NCOR1: variants seen among roughly 807,000 people sequenced by gnomAD.
The protein encoded by NCOR1 is protein phosphatase 1, regulatory subunit 109.
Under a neutral mutation model 288.1 loss-of-function variants are expected in NCOR1, and 63 were observed. The observed-to-expected ratio is 0.22, with a 90% confidence interval of 0.18 to 0.27. NCOR1 has a LOEUF of 0.27. Ranked by LOEUF, NCOR1 falls within the 10% of genes least tolerant of loss-of-function variation. The pLI, the probability that NCOR1 is intolerant of heterozygous loss-of-function variation, is 1.00. For missense variants in NCOR1, 2,397 were observed against 3,019.2 expected (o/e 0.79, Z 4.83); for synonymous variants, 1,007 against 1,065.9 (o/e 0.94, Z 1.08).
At position 16,127,555 on chromosome 17, in the gene NCOR1, GTGTATATATGTA is replaced by G. The variant is rs768594511; in HGVS notation, c.1510-1361_1510-1350del. On this transcript the variant is annotated intron_variant, in intron 14 of 45. Transcript: ENST00000268712. The stretch of plus-strand genomic sequence containing the variant: ...TATATCTGCATGTATATATACACAT[GTGTATATATGTA>G]TGTATATATACATATGTGTATATAT... 2.3e-3 allele frequency among the ~76,000 whole-genome samples: 325 copies of G among 139,960 alleles called. 7 individuals are homozygous for G. Among genetic ancestry groups the G allele is most frequent in the Non-Finnish European group, 4.2e-3 (276 of 65,442 alleles). The allele number at this position is 139,960 out of a possible 152,430, so 91.8% of individuals were successfully genotyped here.
At position 16,156,674 on chromosome 17, in the gene NCOR1, T is replaced by C. The variant is rs1305812727; in HGVS notation, c.732+2086A>G. ...TTCAGATTTGGTTTTCTTCATAAAA[T>C]AAACAACAAACCAAATATGGAAATG... On this transcript the variant is annotated intron_variant, in intron 6 of 45. Coordinates refer to ENST00000268712, the MANE Select transcript of NCOR1 (RefSeq NM_006311.4). 2.0e-5 allele frequency among the ~76,000 whole-genome samples: 3 copies of C among 151,870 alleles called. No homozygotes were observed. The East Asian group carries it at 5.8e-4, about 29-fold the overall frequency.
At chr17:16,146,606 C>A in intron 9 of NCOR1, 58 bp from the exon 10 acceptor site, 1 of 1,394,246 alleles carries the variant, frequency 7.2e-7, no homozygotes, top group Non-Finnish European at 9.6e-7. Flanking sequence ...TTCTGACAAA[C>A]CTAATACTTT....
intron 2 of NCOR1, among the ~76,000 whole-genome samples, chr17:16,188,302 AT>A (rs2153533553): frequency 6.6e-6 from 1 of 152,288 alleles, no homozygotes; most frequent in South Asian, 2.1e-4. Context: ...AGTTGAAAAC[AT>A]AAAAAAACCA....
At chr17:16,060,293 T>G (rs990543529) in intron 37 of NCOR1, among the ~76,000 whole-genome samples, 1 of 152,172 alleles carries the variant, frequency 6.6e-6, no homozygotes, top group African/African-American at 2.4e-5. Flanking sequence ...AAAATCAAAT[T>G]CCTAAAGCAA....
chr17:16,086,351 G>A lies in NCOR1; in HGVS notation c.3108C>T (p.Leu1036=). Residue 1036 remains leucine (L), a synonymous_variant, in exon 23 of 46, where the codon CTC becomes CTT. Transcript: ENST00000268712. ...CCACTGTGGTTTTGGATGACGGGAT[G>A]AGAGGGGGCGGTGGCCTGGTTGGTC... ...TTRPTRPPPP[L]IPSSKTTVAS... The A allele has an allele frequency of 6.2e-7, 1 of 1,614,200 alleles. No individual in the cohort carries two copies. Among genetic ancestry groups the A allele is most frequent in the Non-Finnish European group, 8.5e-7 (1 of 1,180,008 alleles).
chr17:16,068,123 T>TG lies in NCOR1; in HGVS notation c.4514-3dup. On this transcript the variant is annotated splice_polypyrimidine_tract_variant and splice_region_variant and intron_variant, in intron 31 of 45. Coordinates refer to ENST00000268712, the MANE Select transcript of NCOR1 (RefSeq NM_006311.4). Reference sequence around the variant, plus strand: ...TAGACTTGTTAGAAGAAATTGTAACTGGAAAAAAAGAGCCAATGCCACAAG... The same window carrying TG: ...TAGACTTGTTAGAAGAAATTGTAACTGGGAAAAAAAGAGCCAATGCCACAAG... 1 of 1,599,512 alleles carries TG rather than the reference T, an allele frequency of 6.3e-7. No homozygotes were observed. Among genetic ancestry groups the TG allele is most frequent in the Non-Finnish European group, 8.5e-7 (1 of 1,171,162 alleles).
At chr17:16,123,481 T>C (rs1386233618) in intron 15 of NCOR1, among the ~76,000 whole-genome samples, 2 of 152,202 alleles carry the variant, frequency 1.3e-5, no homozygotes, top group African/African-American at 4.8e-5. Context: ...CAGGATAGCT[T>C]TGGCAATAAA....
chr17:16,200,924 C>T (rs1476966355), intron 1 of NCOR1, among the ~76,000 whole-genome samples: 1 of 152,188 alleles, frequency 6.6e-6, no homozygotes, highest in African/African-American at 2.4e-5. Context: ...AAACTTATTA[C>T]AGAGCCCAGC....
At chr17:16,058,277 A>C in intron 38 of NCOR1, 194 bp downstream of exon 38, 1 of 904,512 alleles carries the variant, frequency 1.1e-6, no homozygotes, top group Non-Finnish European at 1.6e-6. Flanking sequence ...TAAGCAAACA[A>C]AATTAATATA....
At chr17:16,086,182 T>C (rs2064198676) in intron 23 of NCOR1, 100 bp downstream of exon 23, 2 of 1,248,220 alleles carry the variant, frequency 1.6e-6, no homozygotes, top group Admixed American at 4.1e-5. Flanking sequence ...AGACAGATTA[T>C]TATTTATTAC....
At chr17:16,173,957 A>G (rs2083595980) in intron 3 of NCOR1, among the ~76,000 whole-genome samples, 1 of 152,168 alleles carries the variant, frequency 6.6e-6, no homozygotes, top group African/African-American at 2.4e-5. Flanking sequence ...TACATTTATA[A>G]GAGCACCCAA....
chr17:16,154,537 G>A (rs780330783), intron 6 of NCOR1, among the ~76,000 whole-genome samples: 7 of 152,128 alleles, frequency 4.6e-5, no homozygotes, highest in Non-Finnish European at 7.3e-5. Context: ...GACAAAACAC[G>A]GGGCCACCTG....
At chr17:16,172,907 T>C (rs1365377012) in intron 3 of NCOR1, among the ~76,000 whole-genome samples, 3 of 152,102 alleles carry the variant, frequency 2.0e-5, no homozygotes, top group Admixed American at 2.0e-4. Flanking sequence ...AATTGCTGGG[T>C]TTCATATTGA....
chr17:16,208,767 C>T lies in NCOR1; in HGVS notation c.-71+6595G>A, dbSNP rs560191734. Among the ~76,000 whole-genome samples the T allele has an allele frequency of 1.1e-3, 165 of 151,978 alleles. 1 individual carries two copies. Among genetic ancestry groups the T allele is most frequent in the African/African-American group, 3.7e-3 (153 of 41,440 alleles). On this transcript the variant is annotated intron_variant, in intron 1 of 45. Transcript: ENST00000268712. ...AGAAGAACCGCGTGAGCCCAGGACTCGGAGGCTGCATTGAACTATGATCAC... is the reference window on the plus strand; with the variant it reads ...AGAAGAACCGCGTGAGCCCAGGACTTGGAGGCTGCATTGAACTATGATCAC...
chr17:16,171,424 A>C (rs2083124637), intron 4 of NCOR1, among the ~76,000 whole-genome samples: 1 of 152,218 alleles, frequency 6.6e-6, no homozygotes, highest in African/African-American at 2.4e-5. Context: ...GCAGTTAATA[A>C]ACTGCTACTA....
chr17:16,175,238 C>T (rs1053033394), intron 3 of NCOR1, among the ~76,000 whole-genome samples: 4 of 151,924 alleles, frequency 2.6e-5, no homozygotes, highest in Non-Finnish European at 2.9e-5. Context: ...CGTGGTGGTG[C>T]GCGCATGTAG....
chr17:16,107,996 C>G (rs538232612), intron 19 of NCOR1, among the ~76,000 whole-genome samples: 1 of 151,204 alleles, frequency 6.6e-6, no homozygotes, highest in East Asian at 1.9e-4. Flanking sequence ...AAATAAAGAC[C>G]CTACACAGAA....
At chr17:16,163,848 C>T (rs1360882089) in intron 5 of NCOR1, among the ~76,000 whole-genome samples, 6 of 152,118 alleles carry the variant, frequency 3.9e-5, no homozygotes, top group South Asian at 2.1e-4. Context: ...ACACAAGATA[C>T]GACATGGATG....
chr17:16,057,646 G>C lies in NCOR1; in HGVS notation c.6260C>G (p.Ala2087Gly). Residue 2087 changes from alanine (A) to glycine (G), a missense_variant, in exon 40 of 46, where the codon GCT becomes GGT. By Grantham distance (60) the Ala-to-Gly change is moderately conservative (BLOSUM62 0). Coordinates refer to ENST00000268712, the MANE Select transcript of NCOR1 (RefSeq NM_006311.4). Reference sequence around the variant, plus strand: ...AGTCCTCACAGGTGTAGATACCAAAGCAGAAGGTGAGTTCTGGAATGTAGA... The same window carrying C: ...AGTCCTCACAGGTGTAGATACCAAACCAGAAGGTGAGTTCTGGAATGTAGA... ...PTSTFQNSPSALVSTPVRTKT... is the reference protein window; with the variant it reads ...PTSTFQNSPSGLVSTPVRTKT... 1 of 1,614,092 alleles carries C rather than the reference G, an allele frequency of 6.2e-7. No homozygotes were observed. The highest frequency in any genetic ancestry group is 1.1e-5 in the South Asian group (1 of 91,080).
Sources: gnomAD v4.1 joint callset for allele counts (sites outside exome capture counted in the v4.1 genomes callset) on GRCh38, gnomAD v4.1.1 for gene constraint, MANE v1.5 for transcripts, NCBI Gene and HGNC (gene_info 2026-07-23, HGNC 2026-07-21) for gene names.